Variants in SLC26A3 observed in about 807,000 individuals in gnomAD.
SLC26A3 encodes the protein solute carrier family 26 member 3.
Under a neutral mutation model 85.6 loss-of-function variants are expected in SLC26A3, and 64 were observed. That is an observed-to-expected ratio of 0.75 (90% CI 0.61 to 0.92). The LOEUF (loss-of-function observed/expected upper bound fraction) is 0.92, where lower values mean the gene tolerates loss of function less well. Ranked by LOEUF, SLC26A3 falls within the 40% of genes least tolerant of loss-of-function variation. The pLI is 0.00. For synonymous variants in SLC26A3, 349 were observed against 336.0 expected (o/e 1.04, Z -0.42); for missense variants, 922 against 927.3 (o/e 0.99, Z 0.07).
chr7:107,785,727 G>A (rs1027834741), intron 8 of SLC26A3, among the ~76,000 whole-genome samples: 1 of 152,074 alleles, frequency 6.6e-6, no homozygotes, highest in Admixed American at 6.5e-5. Flanking sequence ...TGTAACACAC[G>A]AAGATCTGGT....
At chr7:107,771,904 T>G (rs1469242018) in intron 18 of SLC26A3, 150 bp downstream of exon 18, 2 of 684,734 alleles carry the variant, frequency 2.9e-6, no homozygotes, top group Non-Finnish European at 5.3e-6. Context: ...AGATGCTGTT[T>G]CCATAGGGAT....
intron 1 of SLC26A3, among the ~76,000 whole-genome samples, chr7:107,799,296 C>G (rs78743241): frequency 0.015 from 2,289 of 152,270 alleles, 60 homozygotes; most frequent in African/African-American, 0.053. Flanking sequence ...ACTTTGGCAA[C>G]TAAGCACACC....
chr7:107,769,136 C>T (rs982227067), intron 18 of SLC26A3, among the ~76,000 whole-genome samples: 1 of 152,116 alleles, frequency 6.6e-6, no homozygotes, highest in African/African-American at 2.4e-5. Flanking sequence ...AACTAATTTT[C>T]ACTCCCACCA....
At chr7:107,797,778 G>A (rs971378617) in intron 1 of SLC26A3, among the ~76,000 whole-genome samples, 4 of 134,550 alleles carry the variant, frequency 3.0e-5, no homozygotes, top group Non-Finnish European at 6.1e-5. Flanking sequence ...TGTCGCCCAG[G>A]CTGGAGTGTA....
At position 107,773,812 on chromosome 7, in the gene SLC26A3, A is replaced by G. The variant is rs867105607; in HGVS notation, c.2007+108T>C. ...GTGATCCACCCACCTCGGCCTCCCAAAGTGCTGGGATTACAGGCATGAGCC... is the reference window on the plus strand; with the variant it reads ...GTGATCCACCCACCTCGGCCTCCCAGAGTGCTGGGATTACAGGCATGAGCC... On this transcript the variant is annotated intron_variant, in intron 17 of 20. Coordinates refer to ENST00000340010, the MANE Select transcript of SLC26A3 (RefSeq NM_000111.3). The G allele has an allele frequency of 6.8e-5, 65 of 951,836 alleles. 1 individual carries two copies. In the Middle Eastern group the frequency reaches 7.2e-3, roughly 105 times the overall value. The allele number at this position is 951,836 out of a possible 1,614,324, so 59.0% of individuals were successfully genotyped here. A position where few individuals can be genotyped will look rare whatever the true frequency, so the allele number is the denominator to read the frequency against.
At chr7:107,776,846 A>G (rs1390888713) in intron 13 of SLC26A3, 140 bp from the exon 14 acceptor site, 2 of 764,440 alleles carry the variant, frequency 2.6e-6, no homozygotes, top group Non-Finnish European at 4.5e-6. Context: ...GCCATCAGAG[A>G]CTCTGGAAGG....
Position 107,765,813 on chromosome 7 carries a change from T to C in SLC26A3, c.*42A>G, listed in dbSNP as rs1793904125. ...AACTTTCTGGGTATAAAGTTGTTTT[T>C]ATGTCATAGTCAGATGAAGATCCTT... is the stretch of plus-strand genomic sequence containing the variant. On this transcript the variant is annotated 3_prime_UTR_variant, in exon 21 of 21. Coordinates refer to ENST00000340010, the MANE Select transcript of SLC26A3 (RefSeq NM_000111.3). The C allele has an allele frequency of 1.3e-6, 2 of 1,510,220 alleles. No homozygotes were observed. Among genetic ancestry groups the C allele is most frequent in the Admixed American group, 3.4e-5 (2 of 59,666 alleles). 93.6% of individuals were successfully genotyped at this position (1,510,220 alleles called of 1,614,324 possible). A position where few individuals can be genotyped will look rare whatever the true frequency, so the allele number is the denominator to read the frequency against.
rs753871343 is a variant in SLC26A3 at position 107,787,404 on chromosome 7, G to A, written c.841C>T (p.Arg281Cys). 1.4e-5 allele frequency: 22 copies of A among 1,613,966 alleles called. No individual in the cohort carries two copies. The highest frequency in any genetic ancestry group is 3.3e-5 in the South Asian group (3 of 91,080). ...VVSIVKEINQ[R>C]FKDKLPVPIP... ...GGCACTGGAAGTTTGTCTTTGAAGC[G>A]CTGATTTATTTCTTTAACAATGGAT... Residue 281 changes from arginine (R) to cysteine (C), a missense_variant, in exon 7 of 21, where the codon CGC (arginine) becomes TGC (cysteine). Arg to Cys is a radical substitution (Grantham distance 180). Transcript: ENST00000340010.
intron 15 of SLC26A3, 133 bp downstream of exon 15, chr7:107,776,319 C>CA (rs1794114079): frequency 3.8e-6 from 3 of 786,784 alleles, no homozygotes; most frequent in Non-Finnish European, 4.4e-6. Context: ...GGACGTGGGA[C>CA]AAAAAATACT....
chr7:107,781,572 T>C (rs1035121025), intron 11 of SLC26A3, among the ~76,000 whole-genome samples: 2 of 152,206 alleles, frequency 1.3e-5, no homozygotes, highest in Admixed American at 6.5e-5. Context: ...TTTATTTTTA[T>C]TGAGATAACA....
rs1554377141 is a variant in SLC26A3, at chr7:107,770,038, C to CTTTCTTTCTTTCTTTCTTTCTT, written c.2062+2015_2062+2016insAAGAAAGAAAGAAAGAAAGAAA. On this transcript the variant is annotated intron_variant, in intron 18 of 20. Coordinates refer to ENST00000340010, the MANE Select transcript of SLC26A3 (RefSeq NM_000111.3). ...TCTTTCTTTCTTTCTTTCTTTCTTT[C>CTTTCTTTCTTTCTTTCTTTCTT]TTTCTTTCTTTCTCTTTTCTTTCTT... Among the ~76,000 whole-genome samples, 39 of 76,360 alleles carry CTTTCTTTCTTTCTTTCTTTCTT rather than the reference C, an allele frequency of 5.1e-4. 1 individual carries two copies. Among genetic ancestry groups the CTTTCTTTCTTTCTTTCTTTCTT allele is most frequent in the Non-Finnish European group, 8.0e-4 (30 of 37,520 alleles). The allele number at this position is 76,360 out of a possible 152,430, so 50.1% of individuals were successfully genotyped here.
chr7:107,791,324 T>G, intron 4 of SLC26A3, 89 bp from the exon 5 acceptor site: 1 of 1,405,084 alleles, frequency 7.1e-7, no homozygotes, highest in Non-Finnish European at 1.0e-6. Flanking sequence ...ATAAAATGAC[T>G]GGCAAGGCTG....
At chr7:107,785,960 T>G (rs80063358) in intron 8 of SLC26A3, among the ~76,000 whole-genome samples, 5,581 of 152,274 alleles carry the variant, frequency 0.037, 318 homozygotes, top group African/African-American at 0.13. Flanking sequence ...AGAAACTGAT[T>G]CTGTGGTTAG....
At chr7:107,781,922 T>A (rs527829547) in intron 11 of SLC26A3, among the ~76,000 whole-genome samples, 17 of 152,298 alleles carry the variant, frequency 1.1e-4, no homozygotes, top group African/African-American at 3.8e-4. Context: ...ATTTATCAAG[T>A]ATTTATCATA....
intron 8 of SLC26A3, among the ~76,000 whole-genome samples, chr7:107,783,875 A>C (rs6466182): frequency 0.65 from 98,873 of 152,114 alleles, 32,456 homozygotes; most frequent in Middle Eastern, 0.77. Flanking sequence ...AATGCTAGAG[A>C]CAACCATGAC....
chr7:107,800,520 T>G (rs1470769007), intron 1 of SLC26A3, among the ~76,000 whole-genome samples: 1 of 152,254 alleles, frequency 6.6e-6, no homozygotes, highest in Non-Finnish European at 1.5e-5. Flanking sequence ...TGTAAGTACC[T>G]TGTATATATG....
intron 6 of SLC26A3, among the ~76,000 whole-genome samples, chr7:107,788,784 C>CTTTTTTTTTTTTTTTTTTTTTCTTTTT (rs71861759): frequency 9.3e-6 from 1 of 108,064 alleles, no homozygotes; most frequent in Non-Finnish European, 1.9e-5. Flanking sequence ...TTTTTCTTTT[C>CTTTTTTTTTTTTTTTTTTTTTCTTTTT]TTTTTTTTTT....
At position 107,779,895 on chromosome 7, in the gene SLC26A3, G is replaced by A. The variant is rs1442016146; in HGVS notation, c.1312-132C>T. The A allele has an allele frequency of 1.5e-4, 111 of 756,360 alleles. No individual in the cohort carries two copies. The South Asian group carries it at 1.5e-3, about 10-fold the overall frequency. 46.9% of individuals were successfully genotyped at this position (756,360 alleles called of 1,614,324 possible). A position where few individuals can be genotyped will look rare whatever the true frequency, so the allele number is the denominator to read the frequency against. On this transcript the variant is annotated intron_variant, in intron 11 of 20. Coordinates refer to ENST00000340010, the MANE Select transcript of SLC26A3 (RefSeq NM_000111.3). Reference sequence around the variant, plus strand: ...AAATCAAAGCATTACACCCTTTTCCGGTGTGCGATGCCACGCAAGACACAC... The same window carrying A: ...AAATCAAAGCATTACACCCTTTTCCAGTGTGCGATGCCACGCAAGACACAC...
chr7:107,791,137 T>C lies in SLC26A3; in HGVS notation c.481A>G (p.Asn161Asp). Residue 161 changes from asparagine to aspartate, a missense_variant, in exon 5 of 21, where the codon AAC becomes GAC. Transcript: ENST00000340010. Reference sequence around the variant, plus strand: ...AGTAGTGAAGAATTATTCGAGTTGTTAGGCAATCCCAAAGTAGTTGCATTG... The same window carrying C: ...AGTAGTGAAGAATTATTCGAGTTGTCAGGCAATCCCAAAGTAGTTGCATTG... The part of the protein sequence containing the change: ...DRNATTLGLP[N>D]NSNNSSLLDD... The C allele has an allele frequency of 6.2e-7, 1 of 1,614,214 alleles. No individual in the cohort carries two copies. Among genetic ancestry groups the C allele is most frequent in the Non-Finnish European group, 8.5e-7 (1 of 1,180,046 alleles).
Sources: gnomAD v4.1 joint callset for allele counts (sites outside exome capture counted in the v4.1 genomes callset) on GRCh38, gnomAD v4.1.1 for gene constraint, MANE v1.5 for transcripts, NCBI Gene and HGNC (gene_info 2026-07-23, HGNC 2026-07-21) for gene names.